The following NEMP2 variants were observed in gnomAD, a reference collection of about 807,000 sequenced individuals.
NEMP2 encodes nuclear envelope integral membrane protein 2.
A neutral mutation model predicts 54.2 loss-of-function variants in NEMP2; 53 were observed. The observed-to-expected ratio is 0.98, with a 90% CI of 0.78 to 1.23. NEMP2 has a LOEUF of 1.23. NEMP2 is among the 50% of genes most tolerant of loss of function. The pLI is 0.00. For missense variants in NEMP2, 455 were observed against 511.3 expected, an observed-to-expected ratio of 0.89 and a Z score of 1.06; for synonymous variants, 197 against 190.3, an observed-to-expected ratio of 1.04 and a Z score of -0.29.
chr2:190,605,669 C>T, the NEMP2 span, among the ~76,000 whole-genome samples: 1 of 152,160 alleles, frequency 6.6e-6, no homozygotes, highest in Non-Finnish European at 1.5e-5. Context: ...AGCCATCGCA[C>T]CCAGCCCTAC....
chr2:190,542,319 C>T, the NEMP2 span, among the ~76,000 whole-genome samples: 1 of 152,202 alleles, frequency 6.6e-6, no homozygotes, highest in African/African-American at 2.4e-5. The surrounding 1 kb of genome is among the most constrained non-coding windows in gnomAD (Gnocchi z 4.6). Context: ...TCAAGCAATT[C>T]TTTTGCCTCA....
chr2:190,545,911 A>G, the NEMP2 span, among the ~76,000 whole-genome samples: 1 of 152,088 alleles, frequency 6.6e-6, no homozygotes, highest in African/African-American at 2.4e-5. Context: ...CAGATCTTTC[A>G]CTCCCTATTT....
the NEMP2 span, among the ~76,000 whole-genome samples, chr2:190,433,127 TG>T: frequency 6.6e-6 from 1 of 152,320 alleles, no homozygotes; most frequent in East Asian, 1.9e-4. The surrounding 1 kb of genome is among the most constrained non-coding windows in gnomAD (Gnocchi z 4.5). Flanking sequence ...TGTGTATGTT[TG>T]GGTGTGTGTG....
chr2:190,445,992 A>T, the NEMP2 span, among the ~76,000 whole-genome samples: 2 of 152,290 alleles, frequency 1.3e-5, no homozygotes, highest in East Asian at 1.9e-4. Context: ...GAGGGGAAAA[A>T]AATACATTAT....
chr2:190,443,766 G>T, the NEMP2 span, among the ~76,000 whole-genome samples: 1 of 152,144 alleles, frequency 6.6e-6, no homozygotes, highest in African/African-American at 2.4e-5. This position sits in a 1 kb window ranked among gnomAD's most constrained non-coding sequence, Gnocchi z 4.2. Flanking sequence ...TCTTCTTAAA[G>T]ATTAGTCTAG....
the NEMP2 span, among the ~76,000 whole-genome samples, chr2:190,564,000 C>T: frequency 6.6e-6 from 1 of 152,226 alleles, no homozygotes; most frequent in African/African-American, 2.4e-5. This position sits in a 1 kb window ranked among gnomAD's most constrained non-coding sequence, Gnocchi z 4.3. Flanking sequence ...CCTAATGTTC[C>T]AGAATTAAAG....
chr2:190,540,287 A>AT, the NEMP2 span, among the ~76,000 whole-genome samples: 62 of 144,736 alleles, frequency 4.3e-4, no homozygotes, highest in East Asian at 1.8e-3. Flanking sequence ...ATAGTGAATG[A>AT]TTTTTTTTTT....
chr2:190,469,810 T>C, the NEMP2 span: 12 of 1,611,302 alleles, frequency 7.4e-6, no homozygotes, highest in Admixed American at 1.0e-4. This position sits in a 1 kb window ranked among gnomAD's most constrained non-coding sequence, Gnocchi z 5.3. Context: ...TTATATTTCC[T>C]ACCTGGAGAA....
downstream of NEMP2, chr2:190,501,796 C>T (rs1690036912): frequency 6.6e-6 from 1 of 152,604 alleles, no homozygotes; most frequent in African/African-American, 2.4e-5. Flanking sequence ...ATTTTTTGCA[C>T]TTGAACTGAA....
the NEMP2 span, among the ~76,000 whole-genome samples, chr2:190,422,304 TTCAA>T: frequency 1.3e-5 from 2 of 152,192 alleles, no homozygotes; most frequent in Non-Finnish European, 2.9e-5. Context: ...CTGGTTGCCC[TTCAA>T]AGTTGTCATT....
At chr2:190,543,261 C>T in the NEMP2 span, among the ~76,000 whole-genome samples, 12 of 152,156 alleles carry the variant, frequency 7.9e-5, no homozygotes, top group East Asian at 1.9e-4. The surrounding 1 kb of genome is among the most constrained non-coding windows in gnomAD (Gnocchi z 4.7). Context: ...AACAAACCTC[C>T]GACAGCACAG....
chr2:190,510,255 A>C lies in NEMP2; in HGVS notation c.1130+106T>G. 7.5e-7 allele frequency: 1 copy of C among 1,333,964 alleles called. No homozygotes were observed. Among genetic ancestry groups the C allele is most frequent in the East Asian group, 2.5e-5 (1 of 39,494 alleles). 82.6% of individuals were successfully genotyped at this position (1,333,964 alleles called of 1,614,324 possible). A position where few individuals can be genotyped will look rare whatever the true frequency, so the allele number is the denominator to read the frequency against. On this transcript the variant is annotated intron_variant, in intron 8 of 8. Coordinates refer to ENST00000409150, the MANE Select transcript of NEMP2 (RefSeq NM_001142645.2). The surrounding 1 kb of genome is among the most constrained non-coding windows in gnomAD (Gnocchi z 5.7). ...ACAACTTCCACATCATCTGTTATCC[A>C]GGGAAACAGTCTATTTCTACCCTGA... is the stretch of plus-strand genomic sequence containing the variant.
the NEMP2 span, among the ~76,000 whole-genome samples, chr2:190,447,100 A>T: frequency 6.6e-6 from 1 of 152,142 alleles, no homozygotes; most frequent in Non-Finnish European, 1.5e-5. This position sits in a 1 kb window ranked among gnomAD's most constrained non-coding sequence, Gnocchi z 4.5. Context: ...AAAAAAAAAA[A>T]CTTGAAAGGA....
At chr2:190,488,576 A>G in the NEMP2 span, 1 of 1,196,514 alleles carries the variant, frequency 8.4e-7, no homozygotes. The surrounding 1 kb of genome is among the most constrained non-coding windows in gnomAD (Gnocchi z 6.4). Context: ...ATAGGTGCCT[A>G]GTTAAATAAT....
the NEMP2 span, chr2:190,611,107 G>A: frequency 7.2e-5 from 11 of 152,284 alleles, no homozygotes; most frequent in Admixed American, 5.9e-4. The surrounding 1 kb of genome is among the most constrained non-coding windows in gnomAD (Gnocchi z 5.4). Context: ...TTTTAGGGTA[G>A]CCATAGTTAA....
the NEMP2 span, among the ~76,000 whole-genome samples, chr2:190,570,603 C>G: frequency 1.3e-5 from 2 of 152,174 alleles, no homozygotes; most frequent in Admixed American, 1.3e-4. This position sits in a 1 kb window ranked among gnomAD's most constrained non-coding sequence, Gnocchi z 5.4. Context: ...GAGGATGGAG[C>G]AACAGGATGG....
At chr2:190,535,017 C>T (rs1455411684), upstream of NEMP2, 2 of 193,734 alleles carry the variant, frequency 1.0e-5, no homozygotes, top group Non-Finnish European at 2.1e-5. Context: ...GCCCTCGGCG[C>T]AGGGGTGGGA....
chr2:190,578,779 A>G, the NEMP2 span, among the ~76,000 whole-genome samples: 4 of 145,148 alleles, frequency 2.8e-5, no homozygotes, highest in South Asian at 8.4e-4. This position sits in a 1 kb window ranked among gnomAD's most constrained non-coding sequence, Gnocchi z 4.4. Flanking sequence ...GGGTGGAGGG[A>G]AAAAAAAAGC....
the NEMP2 span, among the ~76,000 whole-genome samples, chr2:190,458,744 A>C: frequency 6.6e-6 from 1 of 152,188 alleles, no homozygotes; most frequent in Non-Finnish European, 1.5e-5. The surrounding 1 kb of genome is among the most constrained non-coding windows in gnomAD (Gnocchi z 5.3). Flanking sequence ...GCTTAAGTAA[A>C]ATGGGGACTG....
Sources: gnomAD v4.1 joint callset for allele counts (sites outside exome capture counted in the v4.1 genomes callset) on GRCh38, gnomAD v4.1.1 for gene constraint, Gnocchi (gnomAD v3.1) non-coding constraint, MANE v1.5 for transcripts, NCBI Gene and HGNC (gene_info 2026-07-23, HGNC 2026-07-21) for gene names.